Variants in ZMIZ1 observed in about 807,000 individuals in gnomAD.
ZMIZ1 encodes the protein zinc finger MIZ-type containing 1.
In ZMIZ1, 17 loss-of-function variants were observed where a neutral mutation model predicts 113.9. The observed-to-expected ratio is 0.15, with a 90% confidence interval of 0.10 to 0.22. The LOEUF is 0.22. ZMIZ1 is among the 10% of genes least tolerant of loss of function. The probability of loss-of-function intolerance (pLI) is 1.00; values close to 1 mark genes in which losing one functional copy is unlikely to be tolerated. For missense variants in ZMIZ1, 1,059 were observed against 1,477.8 expected (o/e 0.72, Z 4.65); for synonymous variants, 607 against 603.1 (o/e 1.01, Z -0.09).
rs968205832 is a variant in ZMIZ1 at position 79,293,302 on chromosome 10, C to G, written c.958-79C>G. The G allele has an allele frequency of 4.0e-6, 6 of 1,491,996 alleles. No individual in the cohort carries two copies. In the African/African-American group the frequency reaches 8.4e-5, roughly 21 times the overall value. The allele number at this position is 1,491,996 out of a possible 1,614,324, so 92.4% of individuals were successfully genotyped here. On this transcript the variant is annotated intron_variant, in intron 11 of 24. Transcript: ENST00000334512. ...CACTCCTCCACCTCCCCAACCCTTC[C>G]CTCCCTGCACTTTCAATGCATGTGG... is the stretch of plus-strand genomic sequence containing the variant.
At position 79,291,020 on chromosome 10, in the gene ZMIZ1, C is replaced by G; in HGVS notation, c.602C>G (p.Ala201Gly). The change falls in exon 10 of 25, where the codon GCG (alanine) becomes GGG (glycine). Residue 201 changes from alanine to glycine, a missense_variant. Transcript: ENST00000334512. ...ATGAATCCAGGCGGCAACCCCATGG[C>G]GTCGGGCATGACCACCAGCAACCCA... ...NPMNPGGNPM[A>G]SGMTTSNPGL... 3.7e-6 allele frequency: 6 copies of G among 1,614,250 alleles called. No homozygotes were observed. Among genetic ancestry groups the G allele is most frequent in the Non-Finnish European group, 5.1e-6 (6 of 1,180,048 alleles).
intron 4 of ZMIZ1, among the ~76,000 whole-genome samples, chr10:79,196,639 A>C (rs1343697368): frequency 6.6e-6 from 1 of 152,202 alleles, no homozygotes; most frequent in Non-Finnish European, 1.5e-5. Flanking sequence ...TTCTTAAAGC[A>C]GGACCTGGGC....
chr10:79,146,826 C>T (rs1845506613), intron 3 of ZMIZ1, among the ~76,000 whole-genome samples: 1 of 152,192 alleles, frequency 6.6e-6, no homozygotes, highest in African/African-American at 2.4e-5. Context: ...AAAACAAGTG[C>T]TTGGGGAGGG....
At chr10:79,210,159 A>C (rs542481254) in intron 6 of ZMIZ1, among the ~76,000 whole-genome samples, 1 of 152,228 alleles carries the variant, frequency 6.6e-6, no homozygotes, top group African/African-American at 2.4e-5. Context: ...ACCCCAGCAG[A>C]GGATGGAGGA....
intron 1 of ZMIZ1, among the ~76,000 whole-genome samples, chr10:79,082,200 C>T (rs1214742280): frequency 1.3e-5 from 2 of 152,248 alleles, no homozygotes; most frequent in African/African-American, 4.8e-5. Context: ...ACCAGAAACA[C>T]TCGTCCTGGG....
intron 5 of ZMIZ1, among the ~76,000 whole-genome samples, chr10:79,207,059 C>T (rs1480452159): frequency 6.6e-6 from 1 of 152,228 alleles, no homozygotes; most frequent in African/African-American, 2.4e-5. Context: ...CTGAGGGGAC[C>T]ATCCTACGTC....
At chr10:79,208,046 G>A (rs926883975) in intron 5 of ZMIZ1, among the ~76,000 whole-genome samples, 11 of 147,912 alleles carry the variant, frequency 7.4e-5, no homozygotes, top group Admixed American at 1.3e-4. Context: ...CTGGGGTGGG[G>A]ATGGGGGTAG....
chr10:79,079,492 A>G (rs963006483), intron 1 of ZMIZ1, among the ~76,000 whole-genome samples: 2 of 152,116 alleles, frequency 1.3e-5, no homozygotes, highest in East Asian at 3.9e-4. Flanking sequence ...CTTCCATTCC[A>G]CCTCAGTCGT....
chr10:79,257,108 G>A (rs1297592860), intron 7 of ZMIZ1, among the ~76,000 whole-genome samples: 2 of 152,174 alleles, frequency 1.3e-5, no homozygotes, highest in African/African-American at 4.8e-5. Flanking sequence ...AAGCAAGCCC[G>A]AGTGAGCACA....
chr10:79,291,006 C>T lies in ZMIZ1; in HGVS notation c.588C>T (p.Gly196=), dbSNP rs747808523. Residue 196 remains glycine, a synonymous_variant, in exon 10 of 25, where the codon GGC becomes GGT. Coordinates refer to ENST00000334512, the MANE Select transcript of ZMIZ1 (RefSeq NM_020338.4). ...ATGCCAACAACCCCATGAATCCAGG[C>T]GGCAACCCCATGGCGTCGGGCATGA... is the stretch of plus-strand genomic sequence containing the variant. ...MANANNPMNP[G]GNPMASGMTT... is the part of the protein sequence containing the mutation. The T allele has an allele frequency of 4.2e-5, 68 of 1,614,108 alleles. No individual in the cohort carries two copies. The highest frequency in any genetic ancestry group is 5.5e-5 in the Non-Finnish European group (65 of 1,180,036).
chr10:79,107,466 C>T (rs2132282244), intron 1 of ZMIZ1, among the ~76,000 whole-genome samples: 1 of 152,262 alleles, frequency 6.6e-6, no homozygotes, highest in East Asian at 1.9e-4. Context: ...TCTGTGGGGC[C>T]CGCCAGTGGT....
intron 1 of ZMIZ1, among the ~76,000 whole-genome samples, chr10:79,070,525 G>A (rs1438157223): frequency 6.6e-6 from 1 of 152,250 alleles, no homozygotes; most frequent in Admixed American, 6.5e-5. Flanking sequence ...GAGCGCGCCA[G>A]GGCAGCCGGT....
rs1855345513 is a variant in ZMIZ1 at position 79,313,570 on chromosome 10, C to G, written c.*821C>G. 3 of 204,672 alleles carry G rather than the reference C, an allele frequency of 1.5e-5. No homozygotes were observed. The South Asian group carries it at 2.5e-4, about 17-fold the overall frequency. The allele number at this position is 204,672 out of a possible 1,614,324, so 12.7% of individuals were successfully genotyped here. ...CAGAGAGAGCAGGTGTACACCCAAC[C>G]AAAGTGATTGTGCCCTTGGTTGGGG... On this transcript the variant is annotated 3_prime_UTR_variant, in exon 25 of 25. Transcript: ENST00000334512.
chr10:79,118,685 C>G lies in ZMIZ1; in HGVS notation c.-336-230C>G, dbSNP rs117429527. On this transcript the variant is annotated intron_variant, in intron 1 of 24. Transcript: ENST00000334512. This position sits in a 1 kb window ranked among gnomAD's most constrained non-coding sequence, Gnocchi z 4.1. ...TGCTGCTGTGGTCTGGCTTTCAGGG[C>G]TGCGGGGCTGCTCGGCCGGTGCTGG... Among the ~76,000 whole-genome samples, 1 of 152,202 alleles carries G rather than the reference C, an allele frequency of 6.6e-6. No homozygotes were observed. Among genetic ancestry groups the G allele is most frequent in the Non-Finnish European group, 1.5e-5 (1 of 68,036 alleles).
At chr10:79,132,320 C>T (rs990452138) in intron 2 of ZMIZ1, among the ~76,000 whole-genome samples, 1 of 152,180 alleles carries the variant, frequency 6.6e-6, no homozygotes, top group Non-Finnish European at 1.5e-5. Context: ...AAGGGTAATA[C>T]ATGGCAGGGG....
chr10:79,093,309 ATTTATTTATTTATTT>A (rs1843055168), intron 1 of ZMIZ1, among the ~76,000 whole-genome samples: 1 of 69,010 alleles, frequency 1.4e-5, no homozygotes, highest in African/African-American at 5.0e-5. Flanking sequence ...TTATTTATTT[ATTTATTTATTTATTT>A]ATTTATTTAT....
In ZMIZ1 at chr10:79,313,753, C is replaced by CTGT. The variant is rs1374468509; in HGVS notation, c.*1006_*1008dup. 1.6e-5 allele frequency: 5 copies of CTGT among 317,776 alleles called. No homozygotes were observed. The highest frequency in any genetic ancestry group is 1.1e-4 in the African/African-American group (5 of 46,226). 19.7% of individuals were successfully genotyped at this position (317,776 alleles called of 1,614,324 possible). On this transcript the variant is annotated 3_prime_UTR_variant, in exon 25 of 25. Coordinates refer to ENST00000334512, the MANE Select transcript of ZMIZ1 (RefSeq NM_020338.4). ...CAGCAAGCAAACCATTTCTCTCCGT[C>CTGT]TGTTCTGTTTTTCTCCTAGTCCCTC...
intron 2 of ZMIZ1, among the ~76,000 whole-genome samples, chr10:79,132,878 C>T (rs1188189431): frequency 6.6e-6 from 1 of 152,206 alleles, no homozygotes; most frequent in Non-Finnish European, 1.5e-5. Context: ...TTCCTCCTTC[C>T]CTCCCATGCA....
intron 6 of ZMIZ1, among the ~76,000 whole-genome samples, chr10:79,213,142 G>A (rs1848588714): frequency 6.6e-6 from 1 of 152,138 alleles, no homozygotes; most frequent in Non-Finnish European, 1.5e-5. Context: ...TTTATGGGGA[G>A]GGGGCCTTGC....
Sources: allele counts gnomAD v4.1 joint callset (sites outside exome capture counted in the v4.1 genomes callset), GRCh38; gene constraint gnomAD v4.1.1; non-coding constraint Gnocchi (gnomAD v3.1); transcripts MANE v1.5; gene names NCBI Gene and HGNC (gene_info 2026-07-23, HGNC 2026-07-21).